PTPRM: variants seen among roughly 807,000 people sequenced by gnomAD.
PTPRM encodes protein tyrosine phosphatase receptor type M, also known as receptor-type tyrosine-protein phosphatase mu.
PTPRM carries 47 observed loss-of-function variants against 186.7 expected under a neutral mutation model. That is an observed-to-expected ratio of 0.25 (90% confidence interval 0.20 to 0.32). The LOEUF (loss-of-function observed/expected upper bound fraction) is 0.32. PTPRM is among the 10% of genes least tolerant of loss of function. PTPRM has a pLI of 1.00. For synonymous variants in PTPRM, 668 were observed against 674.9 expected, an observed-to-expected ratio of 0.99 and a Z score of 0.16; for missense variants, 1,494 against 1,865.0, an observed-to-expected ratio of 0.80 and a Z score of 3.66.
Position 8,078,010 on chromosome 18 carries a change from T to A in PTPRM, c.1551+1446T>A, listed in dbSNP as rs1489546721. On this transcript the variant is annotated intron_variant, in intron 9 of 32. Coordinates refer to ENST00000580170, the MANE Select transcript of PTPRM (RefSeq NM_001105244.2). Reference sequence around the variant, plus strand: ...TAAATACTACTACAATGGGGATGCATGAATGTGTCATAAATCAGGGTTTTA... The same window carrying A: ...TAAATACTACTACAATGGGGATGCAAGAATGTGTCATAAATCAGGGTTTTA... Among the ~76,000 whole-genome samples the A allele has an allele frequency of 2.0e-5, 3 of 152,204 alleles. No homozygotes were observed. In the South Asian group the frequency reaches 6.2e-4, roughly 32 times the overall value.
At chr18:7,661,410 G>A (rs1258531400) in intron 1 of PTPRM, among the ~76,000 whole-genome samples, 2 of 152,246 alleles carry the variant, frequency 1.3e-5, no homozygotes, top group Non-Finnish European at 2.9e-5. Context: ...AGTGCAGTTT[G>A]CTGTTGTAAA....
chr18:7,895,184 C>T lies in PTPRM; in HGVS notation c.468+6807C>T, dbSNP rs72893386. ...ATGAGCCTCACTTTCCTAATTACAGCGGGGTGGGGGGTAGTGATTAGGGGT... is the reference window on the plus strand; with the variant it reads ...ATGAGCCTCACTTTCCTAATTACAGTGGGGTGGGGGGTAGTGATTAGGGGT... On this transcript the variant is annotated intron_variant, in intron 3 of 32. Transcript: ENST00000580170. Among the ~76,000 whole-genome samples, 1,137 of 147,746 alleles carry T rather than the reference C, an allele frequency of 7.7e-3. 8 individuals are homozygous for T. Among genetic ancestry groups the T allele is most frequent in the Non-Finnish European group, 0.012 (839 of 67,142 alleles).
intron 22 of PTPRM, among the ~76,000 whole-genome samples, chr18:8,337,803 T>C (rs1474467661): frequency 6.6e-6 from 1 of 151,886 alleles, no homozygotes; most frequent in African/African-American, 2.4e-5. Flanking sequence ...GTGAGGGAGA[T>C]AGATGGTCAG....
chr18:8,120,566 C>T (rs1019242120), intron 13 of PTPRM, among the ~76,000 whole-genome samples: 2 of 149,354 alleles, frequency 1.3e-5, no homozygotes, highest in African/African-American at 2.5e-5. Context: ...GATCTCTGCT[C>T]ACTATTGCAA....
intron 1 of PTPRM, among the ~76,000 whole-genome samples, chr18:7,715,549 A>G (rs2040309476): frequency 6.6e-6 from 1 of 152,174 alleles, no homozygotes; most frequent in African/African-American, 2.4e-5. Flanking sequence ...TTCAAATAGG[A>G]AGAGAAGAAG....
intron 1 of PTPRM, among the ~76,000 whole-genome samples, chr18:7,726,342 C>A (rs1395288949): frequency 6.6e-6 from 1 of 152,082 alleles, no homozygotes; most frequent in Admixed American, 6.6e-5. Context: ...TTAATTGGGT[C>A]ATTTCTTGTT....
At chr18:8,159,807 T>C (rs2093193884) in intron 14 of PTPRM, among the ~76,000 whole-genome samples, 1 of 152,212 alleles carries the variant, frequency 6.6e-6, no homozygotes. Context: ...AAAAATACTC[T>C]TCTTTCATGC....
At chr18:8,030,209 T>A (rs1264949209) in intron 7 of PTPRM, among the ~76,000 whole-genome samples, 1 of 152,242 alleles carries the variant, frequency 6.6e-6, no homozygotes, top group African/African-American at 2.4e-5. Flanking sequence ...ATTACATTCA[T>A]GCCTACCATA....
chr18:7,732,351 A>G (rs529979370), intron 1 of PTPRM, among the ~76,000 whole-genome samples: 2 of 152,274 alleles, frequency 1.3e-5, no homozygotes, highest in African/African-American at 4.8e-5. Flanking sequence ...TTTCATTTTC[A>G]TTGATCAGAA....
intron 21 of PTPRM, among the ~76,000 whole-genome samples, chr18:8,318,333 G>A (rs1209689200): frequency 1.2e-5 from 1 of 84,434 alleles, no homozygotes; most frequent in South Asian, 4.4e-4. Flanking sequence ...GTCTCACTTT[G>A]TCACCCAGGC....
chr18:7,742,979 A>G (rs770741257), intron 1 of PTPRM, among the ~76,000 whole-genome samples: 3 of 152,254 alleles, frequency 2.0e-5, no homozygotes, highest in East Asian at 3.8e-4. Context: ...TTTAATTTTC[A>G]TAACAATGCT....
intron 7 of PTPRM, among the ~76,000 whole-genome samples, chr18:7,966,419 T>G (rs572744013): frequency 6.6e-6 from 1 of 152,202 alleles, no homozygotes; most frequent in Non-Finnish European, 1.5e-5. Context: ...CACATATTTA[T>G]AGTCAGCATT....
At chr18:7,927,687 A>G (rs914570345) in intron 5 of PTPRM, among the ~76,000 whole-genome samples, 1 of 151,874 alleles carries the variant, frequency 6.6e-6, no homozygotes, top group Non-Finnish European at 1.5e-5. Context: ...TCCGTGTGAC[A>G]CTCTGTAATT....
chr18:8,003,478 A>T (rs1185283951), intron 7 of PTPRM, among the ~76,000 whole-genome samples: 1 of 152,238 alleles, frequency 6.6e-6, no homozygotes, highest in Non-Finnish European at 1.5e-5. Flanking sequence ...AGACAACAGA[A>T]TTATTCTCCA....
At chr18:8,300,095 G>T (rs1439137060) in intron 20 of PTPRM, among the ~76,000 whole-genome samples, 1 of 152,130 alleles carries the variant, frequency 6.6e-6, no homozygotes, top group Non-Finnish European at 1.5e-5. Context: ...CCATGAATTT[G>T]CAGTCTGTGG....
chr18:8,066,250 A>G (rs953237149), intron 7 of PTPRM, among the ~76,000 whole-genome samples: 5 of 152,206 alleles, frequency 3.3e-5, no homozygotes, highest in Non-Finnish European at 5.9e-5. Flanking sequence ...TTCCTTAGTC[A>G]TTGGTCATAG....
At chr18:7,875,969 T>C (rs888415434) in intron 2 of PTPRM, among the ~76,000 whole-genome samples, 5 of 152,210 alleles carry the variant, frequency 3.3e-5, no homozygotes, top group South Asian at 2.1e-4. Flanking sequence ...CTGTATTGAA[T>C]AACTGTAGGC....
At chr18:7,613,099 C>G (rs138098159) in intron 1 of PTPRM, among the ~76,000 whole-genome samples, 30 of 152,266 alleles carry the variant, frequency 2.0e-4, no homozygotes, top group African/African-American at 6.5e-4. Context: ...GATATCACCC[C>G]ATGTGCCTGG....
At position 8,085,665 on chromosome 18, in the gene PTPRM, T is replaced by G. The variant is rs760503500; in HGVS notation, c.1552-6T>G. Reference sequence around the variant, plus strand: ...GATATTTTATCACTTTCTCATTCTTTTGCAGATCACCTACAAAGCAGTCAG... The same window carrying G: ...GATATTTTATCACTTTCTCATTCTTGTGCAGATCACCTACAAAGCAGTCAG... On this transcript the variant is annotated splice_polypyrimidine_tract_variant and splice_region_variant and intron_variant, in intron 9 of 32. Coordinates refer to ENST00000580170, the MANE Select transcript of PTPRM (RefSeq NM_001105244.2). 2.5e-6 allele frequency: 4 copies of G among 1,583,706 alleles called. No homozygotes were observed. The highest frequency in any genetic ancestry group is 3.5e-6 in the Non-Finnish European group (4 of 1,152,622).
Sources: allele counts gnomAD v4.1 joint callset (sites outside exome capture counted in the v4.1 genomes callset), GRCh38; gene constraint gnomAD v4.1.1; transcripts MANE v1.5; gene names NCBI Gene and HGNC (gene_info 2026-07-23, HGNC 2026-07-21).